The following DMTF1 variants were observed in gnomAD, a reference collection of about 807,000 sequenced individuals.
DMTF1 encodes the protein cyclin D binding myb like transcription factor 1.
DMTF1 carries 39 observed loss-of-function variants against 91.1 expected under a neutral mutation model. That is an observed-to-expected ratio of 0.43 (90% CI 0.33 to 0.56). The LOEUF is 0.56. DMTF1 is among the 20% of genes least tolerant of loss of function. The pLI is 0.05. For synonymous variants in DMTF1, 338 were observed against 309.5 expected (o/e 1.09, Z -0.97); for missense variants, 750 against 914.5 (o/e 0.82, Z 2.32).
intron 13 of DMTF1, among the ~76,000 whole-genome samples, chr7:87,189,509 TG>T (rs1257629120): frequency 7.2e-5 from 11 of 152,254 alleles, no homozygotes; most frequent in Non-Finnish European, 1.5e-4. Context: ...CAGTACCCAT[TG>T]GGAAGACAAA....
Position 87,166,478 on chromosome 7 carries a change from A to C in DMTF1, c.110-5A>C, listed in dbSNP as rs202170251. The C allele has an allele frequency of 1.6e-5, 25 of 1,608,094 alleles. No individual in the cohort carries two copies. The highest frequency in any genetic ancestry group is 1.9e-5 in the Non-Finnish European group (22 of 1,178,092). ...AATTTTTGTTTGTTTGTTTTCTTCC[A>C]TTAGAAGCGGATGAAATAGACTCAG... On this transcript the variant is annotated splice_polypyrimidine_tract_variant and splice_region_variant and intron_variant, in intron 3 of 17. Coordinates refer to ENST00000331242, the MANE Select transcript of DMTF1 (RefSeq NM_001142327.2).
At chr7:87,177,107 A>C (rs1251284216) in intron 7 of DMTF1, among the ~76,000 whole-genome samples, 1 of 152,162 alleles carries the variant, frequency 6.6e-6, no homozygotes, top group Non-Finnish European at 1.5e-5. Flanking sequence ...GTGAAGTTTC[A>C]TACATTCAAA....
At position 87,182,846 on chromosome 7, in the gene DMTF1, G is replaced by A. The variant is rs141954186; in HGVS notation, c.820+509G>A. ...TTTCCATAGAAAAAATTTATGATTG[G>A]TGTTTCAGTCCCCTGGCAAGACCAC... On this transcript the variant is annotated intron_variant, in intron 10 of 17. Coordinates refer to ENST00000331242, the MANE Select transcript of DMTF1 (RefSeq NM_001142327.2). 6.8e-3 allele frequency among the ~76,000 whole-genome samples: 1,042 copies of A among 152,212 alleles called. 34 individuals carry two copies. The East Asian group carries it at 0.081, about 12-fold the overall frequency.
chr7:87,161,434 G>A (rs181119008), intron 1 of DMTF1, among the ~76,000 whole-genome samples: 3,958 of 152,240 alleles, frequency 0.026, 80 homozygotes, highest in East Asian at 0.065. Context: ...CCTGGGAGGC[G>A]GAGGTTGCAG....
chr7:87,153,236 C>G (rs569165153), intron 1 of DMTF1, among the ~76,000 whole-genome samples: 1 of 152,218 alleles, frequency 6.6e-6, no homozygotes, highest in South Asian at 2.1e-4. Context: ...GTCTGACTCT[C>G]TTTAAAGAAG....
Position 87,194,829 on chromosome 7 carries a change from G to T in DMTF1, c.2173+1G>T. On this transcript the variant is annotated splice_donor_variant, in intron 17 of 17. Transcript: ENST00000331242. LOFTEE classifies it high-confidence loss of function. ...GTCTTGCCTTTGACAACACTAACAG[G>T]TACTGTAATATAATACTTACTATGT... 1 of 1,606,050 alleles carries T rather than the reference G, an allele frequency of 6.2e-7. No homozygotes were observed. Among genetic ancestry groups the T allele is most frequent in the Non-Finnish European group, 8.5e-7 (1 of 1,176,652 alleles).
intron 8 of DMTF1, among the ~76,000 whole-genome samples, chr7:87,180,577 G>C (rs1488422409): frequency 6.6e-6 from 1 of 152,156 alleles, no homozygotes; most frequent in Non-Finnish European, 1.5e-5. Context: ...AGGAAATGAA[G>C]ATAATCTTAA....
Position 87,195,036 on chromosome 7 carries a change from A to G in DMTF1, c.2179A>G (p.Ile727Val). The G allele has an allele frequency of 2.5e-6, 4 of 1,609,978 alleles. No homozygotes were observed. Among genetic ancestry groups the G allele is most frequent in the South Asian group, 1.1e-5 (1 of 90,710 alleles). Residue 727 changes from isoleucine (I) to valine (V), a missense_variant, in exon 18 of 18, where the codon ATA (isoleucine) becomes GTA (valine). Transcript: ENST00000331242. ...VLPLTTLTDPILQHHQEESNI... is the reference protein window; with the variant it reads ...VLPLTTLTDPVLQHHQEESNI... ...TAACTTGAAACTCATTACAGATCCCATACTCCAACATCATCAGGAAGAATC... is the reference window on the plus strand; with the variant it reads ...TAACTTGAAACTCATTACAGATCCCGTACTCCAACATCATCAGGAAGAATC...
rs944455356 is a variant in DMTF1 at position 87,191,990 on chromosome 7, C to T, written c.1494+963C>T. Among the ~76,000 whole-genome samples the T allele has an allele frequency of 2.6e-5, 4 of 152,118 alleles. 1 individual carries two copies. Among genetic ancestry groups the T allele is most frequent in the Non-Finnish European group, 4.4e-5 (3 of 67,990 alleles). The stretch of plus-strand genomic sequence containing the variant: ...TTTGGAACTTTTTACTGGCAGCTTA[C>T]TTAACCTAAGTCAGTCTCCTAATCT... On this transcript the variant is annotated intron_variant, in intron 14 of 17. Transcript: ENST00000331242.
In DMTF1 at chr7:87,171,093, T is replaced by C. The variant is rs1186681337; in HGVS notation, c.327+4T>C. The C allele has an allele frequency of 6.3e-7, 1 of 1,577,360 alleles. No homozygotes were observed. Among genetic ancestry groups the C allele is most frequent in the Non-Finnish European group, 8.7e-7 (1 of 1,151,764 alleles). ...GGGGACTGTGACACAGATACAGGTA[T>C]AGTAAATCTTTTAACTGGCCTCAGG... On this transcript the variant is annotated splice_donor_region_variant and intron_variant, in intron 5 of 17. Coordinates refer to ENST00000331242, the MANE Select transcript of DMTF1 (RefSeq NM_001142327.2).
At position 87,175,105 on chromosome 7, in the gene DMTF1, G is replaced by A. The variant is rs577343188; in HGVS notation, c.519+436G>A. ...ACAGTCTCAGCTCACTGCAACCTCC[G>A]TCTCTTGGGCTCCAGCTATATTCTC... On this transcript the variant is annotated intron_variant, in intron 7 of 17. Coordinates refer to ENST00000331242, the MANE Select transcript of DMTF1 (RefSeq NM_001142327.2). Among the ~76,000 whole-genome samples, 4 of 150,462 alleles carry A rather than the reference G, an allele frequency of 2.7e-5. 1 individual carries two copies. The South Asian group carries it at 6.3e-4, about 24-fold the overall frequency.
At chr7:87,162,224 C>T (rs945589238) in intron 1 of DMTF1, among the ~76,000 whole-genome samples, 1 of 152,164 alleles carries the variant, frequency 6.6e-6, no homozygotes, top group African/African-American at 2.4e-5. Context: ...TAGGCATACA[C>T]CACCACACCT....
In DMTF1 at chr7:87,182,262, A is replaced by G. The variant is rs1584394196; in HGVS notation, c.745A>G (p.Ile249Val). The G allele has an allele frequency of 1.2e-6, 2 of 1,614,146 alleles. No homozygotes were observed. Among genetic ancestry groups the G allele is most frequent in the South Asian group, 1.1e-5 (1 of 91,084 alleles). Reference protein sequence around the residue: ...RIKHGNDWATIGAALGRSASS... With the variant: ...RIKHGNDWATVGAALGRSASS... ...AAAGCATGGCAATGACTGGGCAACA[A>G]TAGGGGCGGCGCTAGGAAGAAGTGC... The change falls in exon 10 of 18, where the codon ATA (isoleucine) becomes GTA (valine). Residue 249 changes from isoleucine to valine, a missense_variant. Ile to Val is a conservative substitution (Grantham distance 29). This residue lies in a region of DMTF1 where 190 missense variants were observed against 343.8 expected (regional missense o/e 0.55). Transcript: ENST00000331242.
intron 4 of DMTF1, among the ~76,000 whole-genome samples, chr7:87,167,438 A>G (rs1243511865): frequency 1.3e-5 from 2 of 152,212 alleles, no homozygotes; most frequent in Non-Finnish European, 2.9e-5. Context: ...GGCAATGGGG[A>G]TGCAACACAT....
intron 13 of DMTF1, among the ~76,000 whole-genome samples, chr7:87,189,046 G>T (rs942433413): frequency 6.6e-6 from 1 of 152,144 alleles, no homozygotes; most frequent in Non-Finnish European, 1.5e-5. Flanking sequence ...TCAACCAGGT[G>T]ATTATTGGCA....
At chr7:87,155,162 T>C (rs895312750) in intron 1 of DMTF1, among the ~76,000 whole-genome samples, 6 of 152,206 alleles carry the variant, frequency 3.9e-5, no homozygotes, top group Non-Finnish European at 7.4e-5. Context: ...TTGAGGGAGC[T>C]TAGAAGTGTT....
chr7:87,178,965 G>C (rs1395179155), intron 7 of DMTF1, among the ~76,000 whole-genome samples: 1 of 151,760 alleles, frequency 6.6e-6, no homozygotes, highest in Non-Finnish European at 1.5e-5. Flanking sequence ...GTCAGTTTTG[G>C]TAAGTTGATG....
At chr7:87,189,962 A>G (rs1237492474) in intron 13 of DMTF1, among the ~76,000 whole-genome samples, 2 of 152,132 alleles carry the variant, frequency 1.3e-5, no homozygotes, top group Non-Finnish European at 2.9e-5. Flanking sequence ...TCTATTGGTA[A>G]GGGCATTAGA....
intron 12 of DMTF1, 158 bp downstream of exon 12, chr7:87,186,138 A>G (rs1204297578): frequency 8.1e-6 from 6 of 739,628 alleles, no homozygotes; most frequent in African/African-American, 1.8e-5. Context: ...TTCCTTCCCC[A>G]GAGAAGAGTT....
Sources: allele counts gnomAD v4.1 joint callset (sites outside exome capture counted in the v4.1 genomes callset), GRCh38; gene constraint gnomAD v4.1.1; regional missense constraint gnomAD v4.1.1; transcripts MANE v1.5; gene names NCBI Gene and HGNC (gene_info 2026-07-23, HGNC 2026-07-21).